IFI27L1: variants seen among roughly 807,000 people sequenced by gnomAD.
IFI27L1 encodes the protein interferon alpha inducible protein 27 like 1.
Under a neutral mutation model 9.2 loss-of-function variants are expected in IFI27L1, and 3 were observed. The observed-to-expected ratio is 0.32, with a 90% CI of 0.15 to 0.84. The LOEUF (loss-of-function observed/expected upper bound fraction) is 0.84. IFI27L1 is among the 40% of genes least tolerant of loss of function. The probability of loss-of-function intolerance (pLI) is 0.56; values close to 1 mark genes in which losing one functional copy is unlikely to be tolerated. For missense variants in IFI27L1, 133 were observed against 134.2 expected, an observed-to-expected ratio of 0.99 and a Z score of 0.05; for synonymous variants, 53 against 50.0, an observed-to-expected ratio of 1.06 and a Z score of -0.26.
At chr14:94,097,021 T>C (rs1595395502) in intron 2 of IFI27L1, 56 bp downstream of exon 2, 2 of 1,445,570 alleles carry the variant, frequency 1.4e-6, no homozygotes, top group Non-Finnish European at 1.9e-6. Flanking sequence ...GAATGCACTT[T>C]GTGTCCCACT....
chr14:94,101,887 C>T lies in IFI27L1; in HGVS notation c.135C>T (p.Ser45=). 1.2e-6 allele frequency: 2 copies of T among 1,614,248 alleles called. No individual in the cohort carries two copies. Among genetic ancestry groups the T allele is most frequent in the Middle Eastern group, 3.3e-4 (2 of 6,060 alleles). Residue 45 remains serine (S), a synonymous_variant, in exon 4 of 5, where the codon TCC becomes TCT. Coordinates refer to ENST00000555523, the MANE Select transcript of IFI27L1 (RefSeq NM_206949.3). The part of the protein sequence containing the change: ...GFTSVGIAAS[S]IAAKMMSTAA... ...CCTCAGTAGGAATCGCCGCATCCTC[C>T]ATAGCAGCCAAGATGATGTCTACAG...
At chr14:94,098,570 A>C (rs957551254) in intron 2 of IFI27L1, among the ~76,000 whole-genome samples, 2 of 151,880 alleles carry the variant, frequency 1.3e-5, no homozygotes, top group Non-Finnish European at 2.9e-5. Flanking sequence ...ATGCAATTCA[A>C]CCCGCAACAA....
At chr14:94,096,608 C>T (rs936751409) in intron 1 of IFI27L1, among the ~76,000 whole-genome samples, 5 of 150,354 alleles carry the variant, frequency 3.3e-5, no homozygotes, top group South Asian at 2.1e-4. Flanking sequence ...GGAGGAGAAT[C>T]GCTTGAACCT....
chr14:94,084,534 A>G (rs1459882915), intron 1 of IFI27L1, among the ~76,000 whole-genome samples: 2 of 152,134 alleles, frequency 1.3e-5, no homozygotes, highest in Non-Finnish European at 2.9e-5. Flanking sequence ...AGGTGCACAA[A>G]CCCAGTCAGA....
At position 94,096,941 on chromosome 14, in the gene IFI27L1, G is replaced by A; in HGVS notation, c.4G>A (p.Gly2Arg). The A allele has an allele frequency of 6.2e-7, 1 of 1,613,680 alleles. No individual in the cohort carries two copies. Among genetic ancestry groups the A allele is most frequent in the African/African-American group, 1.3e-5 (1 of 75,014 alleles). The change falls in exon 2 of 5, where the codon GGA becomes AGA. Residue 2 changes from glycine (G) to arginine (R), a missense_variant. Gly to Arg is a moderately radical substitution (Grantham distance 125, BLOSUM62 -2). Transcript: ENST00000555523. The stretch of plus-strand genomic sequence containing the variant: ...CACCGAGGCGAAGGGGCCAACCATG[G>A]GAAAGGAGAGTGGATGGGACTCAGG... M[G>R]KESGWDSGRA...
intron 1 of IFI27L1, 54 bp from the exon 2 acceptor site, chr14:94,096,833 T>C: frequency 1.1e-6 from 1 of 949,282 alleles, no homozygotes; most frequent in Non-Finnish European, 1.7e-6. Flanking sequence ...AGTTCTTTAT[T>C]AATGCAGCTT....
chr14:94,087,823 A>G (rs1172151265), intron 1 of IFI27L1, among the ~76,000 whole-genome samples: 1 of 152,094 alleles, frequency 6.6e-6, no homozygotes, highest in Non-Finnish European at 1.5e-5. Context: ...TCATGTGCAG[A>G]TATTTGTGCA....
intron 1 of IFI27L1, among the ~76,000 whole-genome samples, chr14:94,096,234 G>T (rs7151528): frequency 0.072 from 10,970 of 152,234 alleles, 448 homozygotes; most frequent in African/African-American, 0.13. Flanking sequence ...GCTGTTGAGG[G>T]GTTTTAGGCA....
intron 1 of IFI27L1, 80 bp from the exon 2 acceptor site, chr14:94,096,807 C>T (rs1368589660): frequency 8.1e-6 from 6 of 741,008 alleles, no homozygotes; most frequent in Non-Finnish European, 1.2e-5. Flanking sequence ...TTTTTATAGT[C>T]CCAGGAGGGA....
intron 1 of IFI27L1, among the ~76,000 whole-genome samples, chr14:94,082,781 C>T (rs1303850089): frequency 6.6e-6 from 1 of 152,220 alleles, no homozygotes; most frequent in Non-Finnish European, 1.5e-5. Flanking sequence ...GGATTTCTCT[C>T]AAAGTATTAT....
At position 94,101,988 on chromosome 14, in the gene IFI27L1, G is replaced by T; in HGVS notation, c.223+13G>T. On this transcript the variant is annotated intron_variant, in intron 4 of 4. Transcript: ENST00000555523. The stretch of plus-strand genomic sequence containing the variant: ...CTGCAGTCAGTGGGTGAGTGTTCTG[G>T]ACAGGATGACCAGAGCCAGGAGATG... 6.2e-7 allele frequency: 1 copy of T among 1,614,202 alleles called. No individual in the cohort carries two copies.
intron 1 of IFI27L1, 21 bp from the exon 2 acceptor site, chr14:94,096,866 A>T: frequency 7.1e-7 from 1 of 1,413,666 alleles, no homozygotes; most frequent in Non-Finnish European, 1.0e-6. Context: ...ATCCTGAATA[A>T]AGTCAAAACT....
chr14:94,085,790 T>C (rs1886261485), intron 1 of IFI27L1, among the ~76,000 whole-genome samples: 1 of 152,192 alleles, frequency 6.6e-6, no homozygotes, highest in African/African-American at 2.4e-5. Flanking sequence ...CCCAGAAAAT[T>C]CATTCATCCC....
chr14:94,082,253 T>C (rs906244766), intron 1 of IFI27L1, among the ~76,000 whole-genome samples: 1 of 151,674 alleles, frequency 6.6e-6, no homozygotes, highest in South Asian at 2.1e-4. Context: ...TTCTCTTCTA[T>C]TCTATGATGA....
At chr14:94,101,996 G>A in intron 4 of IFI27L1, 21 bp downstream of exon 4, 1 of 1,614,112 alleles carries the variant, frequency 6.2e-7, no homozygotes, top group Non-Finnish European at 8.5e-7. Flanking sequence ...TGGACAGGAT[G>A]ACCAGAGCCA....
At chr14:94,087,046 A>ACTT (rs1273639317) in intron 1 of IFI27L1, among the ~76,000 whole-genome samples, 1 of 152,250 alleles carries the variant, frequency 6.6e-6, no homozygotes, top group African/African-American at 2.4e-5. Flanking sequence ...ATGTAAAGGA[A>ACTT]GACAAAGGTT....
intron 2 of IFI27L1, 177 bp from the exon 3 acceptor site, chr14:94,100,562 G>C: frequency 1.0e-6 from 1 of 985,422 alleles, no homozygotes; most frequent in Non-Finnish European, 1.2e-6. Flanking sequence ...AAGGTGCCAC[G>C]TGCAGAGCCC....
intron 1 of IFI27L1, among the ~76,000 whole-genome samples, chr14:94,082,755 T>C (rs1886151825): frequency 1.3e-5 from 2 of 152,264 alleles, no homozygotes; most frequent in Non-Finnish European, 2.9e-5. Context: ...TGTTGAGGCC[T>C]ACTGCTCAGA....
chr14:94,095,327 G>A lies in IFI27L1; in HGVS notation c.-51-1560G>A, dbSNP rs570494172. ...ACTGGGATTATAGGTGCCAGCCACC[G>A]TTCCAAGCCTTAGGCACACTCTTTA... On this transcript the variant is annotated intron_variant, in intron 1 of 4. Transcript: ENST00000555523. Among the ~76,000 whole-genome samples the A allele has an allele frequency of 4.0e-5, 6 of 151,810 alleles. No homozygotes were observed. In the South Asian group the frequency reaches 6.3e-4, roughly 16 times the overall value.
Sources: allele counts gnomAD v4.1 joint callset (sites outside exome capture counted in the v4.1 genomes callset), GRCh38; gene constraint gnomAD v4.1.1; transcripts MANE v1.5; gene names NCBI Gene and HGNC (gene_info 2026-07-23, HGNC 2026-07-21).